SDK1: variants seen among roughly 807,000 people sequenced by gnomAD.
SDK1 encodes protein sidekick-1.
Under a neutral mutation model 245.5 loss-of-function variants are expected in SDK1, and 157 were observed. The observed-to-expected ratio is 0.64, with a 90% CI of 0.56 to 0.73. The LOEUF is 0.73. Among genes scored for constraint, SDK1 ranks in the 30% least tolerant of loss-of-function variants. The pLI is 0.00. For synonymous variants in SDK1, 1,647 were observed against 1,278.5 expected (o/e 1.29, Z -6.15); for missense variants, 3,583 against 3,002.3 (o/e 1.19, Z -4.52).
chr7:3,712,225 T>G (rs1191713300), intron 4 of SDK1, among the ~76,000 whole-genome samples: 1 of 152,148 alleles, frequency 6.6e-6, no homozygotes, highest in Non-Finnish European at 1.5e-5. Flanking sequence ...GAGCCCCACC[T>G]CCTGTCAGAT....
At chr7:3,902,259 A>G (rs1439881949) in intron 5 of SDK1, among the ~76,000 whole-genome samples, 3 of 152,136 alleles carry the variant, frequency 2.0e-5, no homozygotes, top group Non-Finnish European at 4.4e-5. Flanking sequence ...ATTCCAGTTC[A>G]TCATCACAGG....
chr7:4,145,656 G>A, intron 28 of SDK1, 66 bp from the exon 29 acceptor site: 1 of 1,423,324 alleles, frequency 7.0e-7, no homozygotes, highest in Non-Finnish European at 9.6e-7. Flanking sequence ...CAGGGTGTGG[G>A]CACAGGGCTT....
chr7:3,416,412 G>T (rs1482518086), intron 1 of SDK1, among the ~76,000 whole-genome samples: 1 of 151,770 alleles, frequency 6.6e-6, no homozygotes, highest in Non-Finnish European at 1.5e-5. Context: ...GAAAGCTCGG[G>T]GCTTGACATT....
intron 1 of SDK1, among the ~76,000 whole-genome samples, chr7:3,404,417 G>T (rs1778998772): frequency 1.3e-5 from 2 of 151,984 alleles, no homozygotes; most frequent in Admixed American, 1.3e-4. Context: ...ATTATTTTCT[G>T]CCATGGTTGA....
intron 1 of SDK1, among the ~76,000 whole-genome samples, chr7:3,414,883 T>G (rs541379029): frequency 6.6e-6 from 1 of 152,326 alleles, no homozygotes; most frequent in Admixed American, 6.5e-5. Flanking sequence ...TAAAGATGCA[T>G]CCATGTTGTA....
chr7:3,989,534 G>A (rs1169342283), intron 14 of SDK1, among the ~76,000 whole-genome samples: 2 of 152,140 alleles, frequency 1.3e-5, no homozygotes, highest in Non-Finnish European at 2.9e-5. Context: ...CTGTTAACAC[G>A]ATCCACTTTA....
At chr7:3,773,720 G>T (rs1216544183) in intron 4 of SDK1, among the ~76,000 whole-genome samples, 1 of 152,100 alleles carries the variant, frequency 6.6e-6, no homozygotes, top group Non-Finnish European at 1.5e-5. Flanking sequence ...TTTGCTGGTT[G>T]TTGTAGGCTG....
At chr7:3,532,624 A>G (rs368479688) in intron 1 of SDK1, among the ~76,000 whole-genome samples, 10 of 152,188 alleles carry the variant, frequency 6.6e-5, no homozygotes, top group African/African-American at 2.4e-4. Context: ...TGTTAACTCC[A>G]GGTCATTATT....
intron 41 of SDK1, among the ~76,000 whole-genome samples, chr7:4,234,200 G>A (rs529420454): frequency 6.6e-5 from 10 of 152,284 alleles, no homozygotes; most frequent in South Asian, 2.1e-4. Context: ...CAGTATTGCC[G>A]TCCCTGAGGA....
At chr7:3,584,664 T>G (rs1780622208) in intron 1 of SDK1, among the ~76,000 whole-genome samples, 1 of 152,044 alleles carries the variant, frequency 6.6e-6, no homozygotes, top group Non-Finnish European at 1.5e-5. Flanking sequence ...GCGTGTCCGC[T>G]GAGTGAGCTG....
At chr7:4,048,868 T>C (rs932323115) in intron 17 of SDK1, among the ~76,000 whole-genome samples, 15 of 152,206 alleles carry the variant, frequency 9.9e-5, no homozygotes, top group African/African-American at 3.6e-4. Flanking sequence ...AAGAGAAATT[T>C]AACCTCCAAC....
At chr7:3,752,820 G>GT (rs1417322606) in intron 4 of SDK1, among the ~76,000 whole-genome samples, 1 of 152,086 alleles carries the variant, frequency 6.6e-6, no homozygotes, top group African/African-American at 2.4e-5. Flanking sequence ...TCTCTCTATA[G>GT]TTTTTTCTCT....
intron 1 of SDK1, among the ~76,000 whole-genome samples, chr7:3,603,016 G>C (rs1399424619): frequency 6.6e-6 from 1 of 152,060 alleles, no homozygotes; most frequent in East Asian, 1.9e-4. Flanking sequence ...ATTTCTGAGG[G>C]CTCTGTTCTG....
rs1355829912 is a variant in SDK1, at chr7:4,139,541, A to ATGTGTGTGTGTG, written c.4229-6172_4229-6171insGTGTGTGTGTGT. ...TGTGTGTGTATGTGTGTGTGTATAT[A>ATGTGTGTGTGTG]TGTGTGTGTATATGTATATATGTGT... On this transcript the variant is annotated intron_variant, in intron 28 of 44. Coordinates refer to ENST00000404826, the MANE Select transcript of SDK1 (RefSeq NM_152744.4). Among the ~76,000 whole-genome samples the ATGTGTGTGTGTG allele has an allele frequency of 3.5e-4, 11 of 31,404 alleles. 3 individuals are homozygous for ATGTGTGTGTGTG. Among genetic ancestry groups the ATGTGTGTGTGTG allele is most frequent in the African/African-American group, 9.0e-4 (11 of 12,270 alleles). The allele number at this position is 31,404 out of a possible 152,430, so 20.6% of individuals were successfully genotyped here.
chr7:4,191,082 C>G (rs989830481), intron 35 of SDK1, among the ~76,000 whole-genome samples: 3 of 152,210 alleles, frequency 2.0e-5, no homozygotes, highest in Non-Finnish European at 4.4e-5. Flanking sequence ...TCAGGGGATC[C>G]CTGTTATGTA....
chr7:3,984,325 A>G (rs1783651422), intron 13 of SDK1, among the ~76,000 whole-genome samples: 3 of 152,130 alleles, frequency 2.0e-5, no homozygotes, highest in Admixed American at 2.0e-4. Context: ...CCTCAAGAGA[A>G]AGGCAGTCCA....
In SDK1 at chr7:4,149,274, C is replaced by T. The variant is rs746873033; in HGVS notation, c.4436C>T (p.Pro1479Leu). ...CATTTGGTTGCAGAGCGGCCGGCAC[C>T]CCCCAGAGAGCTCCTGGTGCCCCAG... is the stretch of plus-strand genomic sequence containing the variant. ...ITTEKRERPA[P>L]PRELLVPQAE... The change falls in exon 30 of 45, where the codon CCC (proline) becomes CTC (leucine). Residue 1479 changes from proline (P) to leucine (L), a missense_variant. Physicochemically the swap from Pro to Leu is moderately conservative, Grantham distance 98. Transcript: ENST00000404826. The T allele has an allele frequency of 6.5e-7, 1 of 1,532,914 alleles. No individual in the cohort carries two copies. Among genetic ancestry groups the T allele is most frequent in the Non-Finnish European group, 8.8e-7 (1 of 1,140,432 alleles). The allele number at this position is 1,532,914 out of a possible 1,614,324, so 95.0% of individuals were successfully genotyped here.
At chr7:3,542,582 T>G (rs933334043) in intron 1 of SDK1, among the ~76,000 whole-genome samples, 3 of 152,236 alleles carry the variant, frequency 2.0e-5, no homozygotes, top group African/African-American at 7.2e-5. Context: ...ATTGCTTGAT[T>G]AAAATAGCAT....
chr7:3,574,808 G>A (rs1317104018), intron 1 of SDK1, among the ~76,000 whole-genome samples: 1 of 152,066 alleles, frequency 6.6e-6, no homozygotes, highest in African/African-American at 2.4e-5. Flanking sequence ...GATGAAAGGT[G>A]ACAGAAACTT....
Sources: allele counts gnomAD v4.1 joint callset (sites outside exome capture counted in the v4.1 genomes callset), GRCh38; gene constraint gnomAD v4.1.1; transcripts MANE v1.5; gene names NCBI Gene and HGNC (gene_info 2026-07-23, HGNC 2026-07-21).